KIF16B: variants seen among roughly 807,000 people sequenced by gnomAD.
KIF16B encodes kinesin family member 16B, also known as kinesin-like protein KIF16B.
Under a neutral mutation model 156.3 loss-of-function variants are expected in KIF16B, and 98 were observed. The ratio of observed to expected loss-of-function variants is 0.63; its 90% confidence interval spans 0.53 to 0.74. The LOEUF (loss-of-function observed/expected upper bound fraction) is 0.74. Ranked by LOEUF, KIF16B falls within the 30% of genes least tolerant of loss-of-function variation. The pLI, the probability that KIF16B is intolerant of heterozygous loss-of-function variation, is 0.00. For missense variants in KIF16B, 1,421 were observed against 1,606.5 expected, an observed-to-expected ratio of 0.88 and a Z score of 1.97; for synonymous variants, 564 against 583.7, an observed-to-expected ratio of 0.97 and a Z score of 0.49.
chr20:16,471,172 A>T (rs1041428654), intron 12 of KIF16B, among the ~76,000 whole-genome samples: 1 of 152,202 alleles, frequency 6.6e-6, no homozygotes, highest in Non-Finnish European at 1.5e-5. Context: ...TTCCGTCTCC[A>T]TGAGTTTACA....
chr20:16,417,863 G>A (rs548823274), intron 15 of KIF16B, among the ~76,000 whole-genome samples: 49 of 151,980 alleles, frequency 3.2e-4, no homozygotes, highest in Non-Finnish European at 6.6e-4. Context: ...AATAAAAATA[G>A]GTAAACAGAG....
chr20:16,530,727 G>A (rs1300842396), intron 1 of KIF16B, among the ~76,000 whole-genome samples: 2 of 151,992 alleles, frequency 1.3e-5, no homozygotes, highest in African/African-American at 2.4e-5. Context: ...TTGAGACAGG[G>A]TTTCGCTCCT....
chr20:16,356,827 T>C (rs971440508), intron 22 of KIF16B, among the ~76,000 whole-genome samples: 1 of 152,324 alleles, frequency 6.6e-6, no homozygotes, highest in African/African-American at 2.4e-5. Flanking sequence ...TCTGACAAAC[T>C]TTTTTCTTCA....
chr20:16,537,179 A>C (rs2070002365), intron 1 of KIF16B, among the ~76,000 whole-genome samples: 1 of 152,174 alleles, frequency 6.6e-6, no homozygotes, highest in African/African-American at 2.4e-5. Context: ...GTGACTTCCC[A>C]AAGGCTACAG....
intron 22 of KIF16B, chr20:16,369,185 C>T (rs1600223285): frequency 9.1e-6 from 9 of 985,820 alleles, no homozygotes; most frequent in Non-Finnish European, 9.6e-6. Flanking sequence ...TCCCTCCTCT[C>T]CTCTTTAATG....
intron 9 of KIF16B, 133 bp downstream of exon 9, chr20:16,505,589 T>C (rs543745549): frequency 2.7e-5 from 21 of 785,556 alleles, no homozygotes; most frequent in Non-Finnish European, 4.2e-5. Flanking sequence ...GTGATTTTCC[T>C]CAAGATAGAA....
intron 24 of KIF16B, among the ~76,000 whole-genome samples, chr20:16,332,865 T>TC (rs1487158928): frequency 1.3e-5 from 2 of 152,214 alleles, no homozygotes; most frequent in Admixed American, 1.3e-4. Context: ...ATCCTTCATC[T>TC]CTCTTGATAG....
rs553440977 is a variant in KIF16B, at chr20:16,338,160, A to AT, written c.3622-2146_3622-2145insA. ...GAACATCCCTTTCATCTTTGCTGTA[A>AT]CTGAAACCCGGCTCTCCCGTGAGGA... On this transcript the variant is annotated intron_variant, in intron 23 of 25. Coordinates refer to ENST00000354981, the MANE Select transcript of KIF16B (RefSeq NM_024704.5). 5.7e-3 allele frequency among the ~76,000 whole-genome samples: 865 copies of AT among 152,196 alleles called. 10 individuals are homozygous for AT. Among genetic ancestry groups the AT allele is most frequent in the Non-Finnish European group, 9.8e-3 (664 of 68,012 alleles).
At chr20:16,520,618 C>T (rs2069312407) in intron 3 of KIF16B, among the ~76,000 whole-genome samples, 1 of 152,212 alleles carries the variant, frequency 6.6e-6, no homozygotes, top group Admixed American at 6.5e-5. Flanking sequence ...CAGACTTAAA[C>T]GTTCCTGCCT....
chr20:16,390,222 T>G (rs1281820229), intron 17 of KIF16B, among the ~76,000 whole-genome samples: 3 of 152,220 alleles, frequency 2.0e-5, no homozygotes, highest in African/African-American at 7.2e-5. Flanking sequence ...AAGGAGCCAG[T>G]CTTAAGCCTT....
At chr20:16,534,538 T>C (rs2069882235) in intron 1 of KIF16B, among the ~76,000 whole-genome samples, 1 of 152,220 alleles carries the variant, frequency 6.6e-6, no homozygotes, top group African/African-American at 2.4e-5. Context: ...TGTCTGTTTT[T>C]GGTTTTGTTG....
At chr20:16,454,554 T>C (rs1037791802) in intron 12 of KIF16B, among the ~76,000 whole-genome samples, 1 of 151,990 alleles carries the variant, frequency 6.6e-6, no homozygotes, top group African/African-American at 2.4e-5. Context: ...TATTACTTAT[T>C]TGATTTATTT....
At chr20:16,497,154 A>G (rs892582298) in intron 11 of KIF16B, among the ~76,000 whole-genome samples, 1 of 152,134 alleles carries the variant, frequency 6.6e-6, no homozygotes, top group African/African-American at 2.4e-5. Flanking sequence ...CCCATCTCAA[A>G]TCTCATCTAG....
At chr20:16,360,686 T>G (rs898020433) in intron 22 of KIF16B, among the ~76,000 whole-genome samples, 3 of 152,254 alleles carry the variant, frequency 2.0e-5, no homozygotes, top group Admixed American at 6.5e-5. Flanking sequence ...TTTTTTCTGA[T>G]AGCTTTTAAT....
At chr20:16,450,501 G>A (rs1199063026) in intron 12 of KIF16B, among the ~76,000 whole-genome samples, 1 of 152,152 alleles carries the variant, frequency 6.6e-6, no homozygotes, top group Non-Finnish European at 1.5e-5. Context: ...TGAGAACCCT[G>A]AGCACATTCA....
chr20:16,351,086 C>T (rs1040644986), intron 23 of KIF16B, among the ~76,000 whole-genome samples: 2 of 152,136 alleles, frequency 1.3e-5, no homozygotes, highest in Non-Finnish European at 2.9e-5. Context: ...GGCACTACTG[C>T]AGATGACCAC....
At chr20:16,515,492 C>T (rs776101241) in intron 4 of KIF16B, 56 bp downstream of exon 4, 39 of 890,286 alleles carry the variant, frequency 4.4e-5, no homozygotes, top group South Asian at 5.5e-5. Flanking sequence ...GATCATTCTA[C>T]CAGTCCAGAG....
chr20:16,347,845 ACT>A (rs1285368096), intron 23 of KIF16B, among the ~76,000 whole-genome samples: 2 of 152,254 alleles, frequency 1.3e-5, no homozygotes, highest in East Asian at 1.9e-4. Flanking sequence ...AGACGCCAAC[ACT>A]CTACACTTTC....
intron 1 of KIF16B, among the ~76,000 whole-genome samples, chr20:16,535,570 T>G (rs1028920313): frequency 6.6e-6 from 1 of 152,178 alleles, no homozygotes; most frequent in Non-Finnish European, 1.5e-5. Flanking sequence ...CTTCTTCCAG[T>G]TCTAAGAGAA....
Sources: gnomAD v4.1 joint callset for allele counts (sites outside exome capture counted in the v4.1 genomes callset) on GRCh38, gnomAD v4.1.1 for gene constraint, MANE v1.5 for transcripts, NCBI Gene and HGNC (gene_info 2026-07-23, HGNC 2026-07-21) for gene names.